The following CDKN2B-AS1 variants were observed in gnomAD, a reference collection of about 807,000 sequenced individuals.
CDKN2B-AS1 encodes CDKN2B and CDKN2A antisense cis and trans regulatory RNA 1.
At chr9:22,016,362 G>A (rs1821758839) in intron 1 of CDKN2B-AS1, among the ~76,000 whole-genome samples, 1 of 152,142 alleles carries the variant, frequency 6.6e-6, no homozygotes, top group Non-Finnish European at 1.5e-5. Context: ...CGTGAAAATG[G>A]CCATACTGCC....
At chr9:22,019,315 A>G (rs1587409560) in intron 1 of CDKN2B-AS1, among the ~76,000 whole-genome samples, 1 of 152,178 alleles carries the variant, frequency 6.6e-6, no homozygotes, top group African/African-American at 2.4e-5. Flanking sequence ...TTTAGGGGAG[A>G]GGCAAGAGTG....
chr9:22,062,561 A>G (rs1481536909), intron 4 of CDKN2B-AS1, among the ~76,000 whole-genome samples: 1 of 152,108 alleles, frequency 6.6e-6, no homozygotes, highest in African/African-American at 2.4e-5. Context: ...TACATGAGGA[A>G]GACATTTCCT....
intron 3 of CDKN2B-AS1, among the ~76,000 whole-genome samples, chr9:22,055,721 G>T (rs1374484655): frequency 6.6e-6 from 1 of 152,100 alleles, no homozygotes; most frequent in Non-Finnish European, 1.5e-5. Context: ...AAATCTAAAG[G>T]GACAAAAGAG....
chr9:22,015,626 T>C (rs953784936), intron 1 of CDKN2B-AS1, among the ~76,000 whole-genome samples: 19 of 151,998 alleles, frequency 1.3e-4, no homozygotes, highest in Non-Finnish European at 2.2e-4. Flanking sequence ...TATTTTTATT[T>C]ATTTATTTAT....
intron 4 of CDKN2B-AS1, among the ~76,000 whole-genome samples, chr9:22,100,555 T>C (rs1825447568): frequency 6.6e-6 from 1 of 152,226 alleles, no homozygotes; most frequent in Non-Finnish European, 1.5e-5. Context: ...TTTGTTTTTC[T>C]GTTCATCAGT....
At chr9:22,022,254 G>A (rs574559087) in intron 1 of CDKN2B-AS1, among the ~76,000 whole-genome samples, 3 of 151,818 alleles carry the variant, frequency 2.0e-5, no homozygotes, top group Non-Finnish European at 2.9e-5. Flanking sequence ...TCTCACTGGG[G>A]TGTTAAAGTC....
intron 4 of CDKN2B-AS1, among the ~76,000 whole-genome samples, chr9:22,122,060 ATT>A (rs35831924): frequency 6.9e-6 from 1 of 145,474 alleles, no homozygotes; most frequent in Non-Finnish European, 1.5e-5. Flanking sequence ...AGCATTTGTT[ATT>A]TTTTTTTTTT....
At chr9:22,120,357 A>T (rs558163297) in intron 4 of CDKN2B-AS1, 10 of 152,224 alleles carry the variant, frequency 6.6e-5, no homozygotes, top group Admixed American at 2.0e-4. Flanking sequence ...TTTTTAAATG[A>T]GGCTGAGAGC....
intron 1 of CDKN2B-AS1, chr9:22,003,313 T>A: frequency 4.5e-6 from 1 of 221,562 alleles, no homozygotes; most frequent in African/African-American, 2.2e-5. Flanking sequence ...AAAAACAGTG[T>A]AATATAGTAC....
chr9:22,027,091 C>G (rs1347229606), intron 1 of CDKN2B-AS1, among the ~76,000 whole-genome samples: 2 of 151,942 alleles, frequency 1.3e-5, no homozygotes, highest in African/African-American at 2.4e-5. Flanking sequence ...TATTTAGTCA[C>G]CCCTTTCTTT....
rs7858034 is a variant in CDKN2B-AS1, at chr9:22,080,792, T to A, written n.438+24405T>A. Among the ~76,000 whole-genome samples, 1,118 of 152,328 alleles carry A rather than the reference T, an allele frequency of 7.3e-3. 19 individuals carry two copies. The highest frequency in any genetic ancestry group is 0.025 in the African/African-American group (1,057 of 41,576). ...TTCTGATGACCACAGGCCACCAGACTGCTGGGTCATGGAATTATAGCTACA... is the reference window on the plus strand; with the variant it reads ...TTCTGATGACCACAGGCCACCAGACAGCTGGGTCATGGAATTATAGCTACA... On this transcript the variant is annotated intron_variant and non_coding_transcript_variant, in intron 4 of 4. Transcript: ENST00000650946.
At chr9:22,015,061 A>G (rs1821680299) in intron 1 of CDKN2B-AS1, among the ~76,000 whole-genome samples, 1 of 151,996 alleles carries the variant, frequency 6.6e-6, no homozygotes. Flanking sequence ...ATAGTGCCGC[A>G]ATAAACATAC....
intron 4 of CDKN2B-AS1, among the ~76,000 whole-genome samples, chr9:22,081,275 C>CTTTTT (rs36049201): frequency 8.0e-6 from 1 of 124,514 alleles, no homozygotes; most frequent in Admixed American, 7.9e-5. Context: ...TGTTCTTTAG[C>CTTTTT]TTTTTTTTTT....
intron 1 of CDKN2B-AS1, chr9:22,009,145 T>C (rs1821358433): frequency 6.7e-6 from 5 of 740,992 alleles, no homozygotes; most frequent in Non-Finnish European, 1.1e-5. Context: ...GGCCGGTCGT[T>C]AGCTCCGGGC....
chr9:22,097,060 C>A (rs186374988), intron 4 of CDKN2B-AS1, among the ~76,000 whole-genome samples: 1 of 152,200 alleles, frequency 6.6e-6, no homozygotes, highest in Admixed American at 6.5e-5. Flanking sequence ...TGTCTTCCAT[C>A]CATACCAAAG....
chr9:22,103,277 T>A (rs1434629719), intron 4 of CDKN2B-AS1, among the ~76,000 whole-genome samples: 2 of 152,006 alleles, frequency 1.3e-5, no homozygotes, highest in African/African-American at 4.8e-5. Context: ...ACCACTGATA[T>A]ATAGCTGGAA....
chr9:22,035,324 T>A (rs1822644429), intron 1 of CDKN2B-AS1, among the ~76,000 whole-genome samples: 1 of 151,834 alleles, frequency 6.6e-6, no homozygotes, highest in Admixed American at 6.6e-5. Context: ...CAACAAGAAC[T>A]AAGATAGAAC....
At chr9:22,042,521 C>T (rs1587446079) in intron 1 of CDKN2B-AS1, among the ~76,000 whole-genome samples, 1 of 152,056 alleles carries the variant, frequency 6.6e-6, no homozygotes, top group East Asian at 1.9e-4. Flanking sequence ...AAGACTGGTT[C>T]ATCTGTGTGG....
chr9:22,100,117 T>C (rs1468975599), intron 4 of CDKN2B-AS1, among the ~76,000 whole-genome samples: 2 of 152,236 alleles, frequency 1.3e-5, no homozygotes, highest in African/African-American at 4.8e-5. Flanking sequence ...GACTATATTT[T>C]ATTCTTTTAA....
Sources: gnomAD v4.1 joint callset for allele counts (sites outside exome capture counted in the v4.1 genomes callset) on GRCh38, gnomAD v4.1.1 for gene constraint, MANE v1.5 for transcripts, NCBI Gene and HGNC (gene_info 2026-07-23, HGNC 2026-07-21) for gene names.